The following PIGU variants were observed in gnomAD, a reference collection of about 807,000 sequenced individuals.
PIGU encodes the protein GPI-anchor transamidase component PIGU.
In PIGU, 24 loss-of-function variants were observed where a neutral mutation model predicts 49.9. The observed-to-expected ratio is 0.48, with a 90% CI of 0.35 to 0.68. PIGU has a LOEUF of 0.68. Among genes scored for constraint, PIGU ranks in the 30% least tolerant of loss-of-function variants. The pLI is 0.01. For synonymous variants in PIGU, 220 were observed against 205.7 expected, an observed-to-expected ratio of 1.07 and a Z score of -0.59; for missense variants, 490 against 532.6, an observed-to-expected ratio of 0.92 and a Z score of 0.79.
intron 9 of PIGU, 113 bp downstream of exon 9, chr20:34,585,324 C>T: frequency 7.7e-7 from 1 of 1,306,740 alleles, no homozygotes; most frequent in South Asian, 1.4e-5. Flanking sequence ...AGGTGAGATG[C>T]TCTAAACCTG....
intron 6 of PIGU, among the ~76,000 whole-genome samples, chr20:34,627,191 G>A (rs778428602): frequency 3.9e-5 from 6 of 152,108 alleles, no homozygotes; most frequent in African/African-American, 1.2e-4. Context: ...TAACAAATAC[G>A]CAAGAGGAAC....
rs532480385 is a variant in PIGU, at chr20:34,603,340, A to G, written c.627+12702T>C. Among the ~76,000 whole-genome samples the G allele has an allele frequency of 5.3e-5, 8 of 152,250 alleles. No individual in the cohort carries two copies. In the South Asian group the frequency reaches 1.5e-3, roughly 28 times the overall value. ...ATCCTATCATTTTGTTTTCATTTGTAAGTTGAAATAATTTTATAAAGATAT... is the reference window on the plus strand; with the variant it reads ...ATCCTATCATTTTGTTTTCATTTGTGAGTTGAAATAATTTTATAAAGATAT... On this transcript the variant is annotated intron_variant, in intron 7 of 11. Transcript: ENST00000217446.
At position 34,560,781 on chromosome 20, in the gene PIGU, C is replaced by A; in HGVS notation, c.*85G>T. 9.5e-7 allele frequency: 1 copy of A among 1,050,032 alleles called. No homozygotes were observed. The allele number at this position is 1,050,032 out of a possible 1,614,324, so 65.0% of individuals were successfully genotyped here. The stretch of plus-strand genomic sequence containing the variant: ...GAACCTCTTCTGCCCAAGCACTCGC[C>A]TGCTGGCAACTCTGGCTGGAGGGCT... On this transcript the variant is annotated 3_prime_UTR_variant, in exon 12 of 12. Coordinates refer to ENST00000217446, the MANE Select transcript of PIGU (RefSeq NM_080476.5).
intron 4 of PIGU, among the ~76,000 whole-genome samples, chr20:34,640,458 T>C (rs1382982621): frequency 6.7e-6 from 1 of 150,294 alleles, no homozygotes; most frequent in Non-Finnish European, 1.5e-5. Context: ...GTGGCTAAAA[T>C]CAATGGAAAT....
chr20:34,625,684 GC>G (rs1337018048), intron 6 of PIGU, among the ~76,000 whole-genome samples: 1 of 145,842 alleles, frequency 6.9e-6, no homozygotes, highest in Non-Finnish European at 1.5e-5. Flanking sequence ...CTGCACTCCA[GC>G]CTGGACAACA....
intron 5 of PIGU, among the ~76,000 whole-genome samples, chr20:34,636,923 G>A (rs2146762936): frequency 6.6e-6 from 1 of 152,154 alleles, no homozygotes; most frequent in East Asian, 1.9e-4. Flanking sequence ...CTATTACAAA[G>A]CTACCCCCAG....
chr20:34,580,470 T>C (rs1983410838), intron 10 of PIGU, among the ~76,000 whole-genome samples: 1 of 152,246 alleles, frequency 6.6e-6, no homozygotes, highest in African/African-American at 2.4e-5. Flanking sequence ...TTCCCACAGC[T>C]AGTCAGTTTC....
At chr20:34,641,005 T>C (rs1237661155) in intron 4 of PIGU, among the ~76,000 whole-genome samples, 1 of 152,162 alleles carries the variant, frequency 6.6e-6, no homozygotes, top group Non-Finnish European at 1.5e-5. Flanking sequence ...GTGATTCTCT[T>C]GCCTCAGCCT....
intron 1 of PIGU, among the ~76,000 whole-genome samples, chr20:34,659,470 G>T (rs1400327006): frequency 6.6e-6 from 1 of 151,702 alleles, no homozygotes; most frequent in Non-Finnish European, 1.5e-5. Flanking sequence ...CCGTCCGGGA[G>T]GTGAGGGGCG....
At chr20:34,562,313 C>A in intron 11 of PIGU, 1 of 753,416 alleles carries the variant, frequency 1.3e-6, no homozygotes, top group Non-Finnish European at 1.6e-6. Flanking sequence ...TTGGCACCAA[C>A]CACCTGGCAC....
At position 34,581,646 on chromosome 20, in the gene PIGU, A is replaced by G. The variant is rs774261045; in HGVS notation, c.953T>C (p.Ile318Thr). ...LKEHPIFFMF[I>T]QIAVIAIFKS... ...AAAGATGGCGATGACAGCGATCTGG[A>G]TAAACATGAAGAAGATGGGGTGCTC... is the stretch of plus-strand genomic sequence containing the variant. Residue 318 changes from isoleucine (I) to threonine (T), a missense_variant, in exon 10 of 12, where the codon ATC (isoleucine) becomes ACC (threonine). Ile to Thr is a moderately conservative substitution (Grantham distance 89). Coordinates refer to ENST00000217446, the MANE Select transcript of PIGU (RefSeq NM_080476.5). 1.2e-6 allele frequency: 2 copies of G among 1,613,884 alleles called. No homozygotes were observed. Among genetic ancestry groups the G allele is most frequent in the South Asian group, 1.1e-5 (1 of 91,068 alleles).
intron 2 of PIGU, among the ~76,000 whole-genome samples, chr20:34,648,912 G>C (rs1986441841): frequency 6.6e-6 from 1 of 152,134 alleles, no homozygotes; most frequent in Admixed American, 6.6e-5. Context: ...TCTGTCCCCA[G>C]GCTGGAGTGC....
intron 7 of PIGU, 89 bp downstream of exon 7, chr20:34,615,953 C>T (rs1984987803): frequency 6.8e-7 from 1 of 1,476,588 alleles, no homozygotes; most frequent in Non-Finnish European, 8.9e-7. Context: ...ACTGCCTTTA[C>T]TAACCCGTGC....
At chr20:34,639,400 C>CA (rs1329163516) in intron 4 of PIGU, among the ~76,000 whole-genome samples, 1 of 150,928 alleles carries the variant, frequency 6.6e-6, no homozygotes, top group Admixed American at 6.6e-5. Flanking sequence ...GACTCCGTCT[C>CA]AAAAAAAATA....
intron 9 of PIGU, among the ~76,000 whole-genome samples, chr20:34,583,652 C>T (rs1983577251): frequency 6.6e-6 from 1 of 152,206 alleles, no homozygotes; most frequent in Non-Finnish European, 1.5e-5. Flanking sequence ...GCCCTGGGAT[C>T]CCTGCTCCTC....
chr20:34,561,035 A>G, intron 11 of PIGU, 56 bp from the exon 12 acceptor site: 1 of 1,259,702 alleles, frequency 7.9e-7, no homozygotes, highest in Non-Finnish European at 1.1e-6. Flanking sequence ...TAAACCCAGG[A>G]TCCCTGAACT....
intron 11 of PIGU, among the ~76,000 whole-genome samples, chr20:34,571,820 C>T (rs1983024093): frequency 6.6e-6 from 1 of 152,198 alleles, no homozygotes; most frequent in African/African-American, 2.4e-5. Flanking sequence ...GCAAGGGTGG[C>T]ATAACTTTCA....
At chr20:34,571,901 G>C (rs1035126983) in intron 11 of PIGU, among the ~76,000 whole-genome samples, 7 of 152,218 alleles carry the variant, frequency 4.6e-5, no homozygotes, top group African/African-American at 1.7e-4. Flanking sequence ...GCCTCAGTGA[G>C]CAAGTGGCCC....
At chr20:34,658,706 C>A (rs1255785045) in intron 1 of PIGU, among the ~76,000 whole-genome samples, 1 of 149,724 alleles carries the variant, frequency 6.7e-6, no homozygotes, top group Non-Finnish European at 1.5e-5. Context: ...GTGAGGAGAC[C>A]CTCTGCCTGA....
Sources: gnomAD v4.1 joint callset for allele counts (sites outside exome capture counted in the v4.1 genomes callset) on GRCh38, gnomAD v4.1.1 for gene constraint, MANE v1.5 for transcripts, NCBI Gene and HGNC (gene_info 2026-07-23, HGNC 2026-07-21) for gene names.